SKI: variants seen among roughly 807,000 people sequenced by gnomAD.
SKI encodes the protein ski oncogene.
A neutral mutation model predicts 59.3 loss-of-function variants in SKI; 23 were observed. That is an observed-to-expected ratio of 0.39 (90% confidence interval 0.28 to 0.55). The LOEUF (loss-of-function observed/expected upper bound fraction) is 0.55. Ranked by LOEUF, SKI falls within the 20% of genes least tolerant of loss-of-function variation. SKI has a pLI of 0.67. For synonymous variants in SKI, 673 were observed against 488.6 expected, an observed-to-expected ratio of 1.38 and a Z score of -4.98; for missense variants, 1,017 against 1,038.9, an observed-to-expected ratio of 0.98 and a Z score of 0.29.
intron 1 of SKI, among the ~76,000 whole-genome samples, chr1:2,259,880 C>T (rs998763165): frequency 4.6e-5 from 7 of 152,334 alleles, no homozygotes; most frequent in Middle Eastern, 3.4e-3. Flanking sequence ...GCAGTGTTCC[C>T]CTGCGTGGAT....
intron 1 of SKI, among the ~76,000 whole-genome samples, chr1:2,300,689 A>G (rs1006883160): frequency 1.3e-5 from 2 of 152,166 alleles, no homozygotes; most frequent in African/African-American, 4.8e-5. Flanking sequence ...TGCTGCAGAG[A>G]GCCCGCCCTG....
chr1:2,304,676 C>T (rs1640523577), intron 5 of SKI, 91 bp downstream of exon 5: 2 of 1,461,874 alleles, frequency 1.4e-6, no homozygotes, highest in South Asian at 2.8e-5. Context: ...TGCCTCCTCC[C>T]TTCCTGGCTG....
At chr1:2,255,635 C>T (rs1189243062) in intron 1 of SKI, among the ~76,000 whole-genome samples, 4 of 151,576 alleles carry the variant, frequency 2.6e-5, no homozygotes, top group African/African-American at 4.9e-5. Context: ...ACTGCATTTC[C>T]TGTCTGGAGC....
chr1:2,283,843 G>A (rs937818964), intron 1 of SKI, among the ~76,000 whole-genome samples: 2 of 152,228 alleles, frequency 1.3e-5, no homozygotes, highest in East Asian at 1.9e-4. Flanking sequence ...AGAAAACATC[G>A]TGGGCGTCTG....
chr1:2,293,798 GCTTCTTCAGC>G (rs1199888260), intron 1 of SKI, among the ~76,000 whole-genome samples: 1 of 152,172 alleles, frequency 6.6e-6, no homozygotes, highest in East Asian at 1.9e-4. Flanking sequence ...CCGTTTCCCC[GCTTCTTCAGC>G]TGGCACCTTG....
Position 2,233,952 on chromosome 1 carries a change from A to G in SKI, c.969+4217A>G, listed in dbSNP as rs564599564. On this transcript the variant is annotated intron_variant, in intron 1 of 6. Coordinates refer to ENST00000378536, the MANE Select transcript of SKI (RefSeq NM_003036.4). ...AGGTCCGGGGAGCACTTCGGGGGCT[A>G]TCTGTCCCTTTGTCCACCAGCTTCC... 2.0e-3 allele frequency among the ~76,000 whole-genome samples: 297 copies of G among 152,262 alleles called. 2 individuals are homozygous for G. The highest frequency in any genetic ancestry group is 3.7e-3 in the Non-Finnish European group (255 of 68,018).
intron 1 of SKI, among the ~76,000 whole-genome samples, chr1:2,263,560 GA>G (rs1639432461): frequency 1.3e-5 from 2 of 151,820 alleles, no homozygotes; most frequent in Non-Finnish European, 2.9e-5. Context: ...TTATATTCAT[GA>G]GGGATGTTGG....
intron 1 of SKI, among the ~76,000 whole-genome samples, chr1:2,232,920 C>G (rs1392485447): frequency 4.6e-5 from 7 of 152,212 alleles, no homozygotes; most frequent in Non-Finnish European, 7.3e-5. Flanking sequence ...CTTCCCCACT[C>G]CCACCCCTCT....
chr1:2,305,451 C>A (rs1640546124), intron 5 of SKI, among the ~76,000 whole-genome samples: 1 of 152,082 alleles, frequency 6.6e-6, no homozygotes, highest in Middle Eastern at 3.4e-3. Context: ...CGTGCCAGTC[C>A]CTCGCCCCAG....
intron 1 of SKI, among the ~76,000 whole-genome samples, chr1:2,274,946 C>T (rs72642130): frequency 0.048 from 7,242 of 152,282 alleles, 245 homozygotes; most frequent in East Asian, 0.12. Flanking sequence ...TTGGGGCCTT[C>T]GCTGTCCCTT....
At chr1:2,279,741 G>A (rs1416758214) in intron 1 of SKI, among the ~76,000 whole-genome samples, 1 of 152,170 alleles carries the variant, frequency 6.6e-6, no homozygotes, top group Non-Finnish European at 1.5e-5. Context: ...TAGAGACAGG[G>A]TCTCACTCTG....
Position 2,303,726 on chromosome 1 carries a change from C to T in SKI, c.1212-114C>T, listed in dbSNP as rs1217626686. ...GAACTGTAAGCTTGACTTGAAGATT[C>T]GGAGCTGGGAAAGTCTTTCCTGTTT... On this transcript the variant is annotated intron_variant, in intron 3 of 6. Coordinates refer to ENST00000378536, the MANE Select transcript of SKI (RefSeq NM_003036.4). The surrounding 1 kb of genome is among the most constrained non-coding windows in gnomAD (Gnocchi z 5.6). 7.5e-5 allele frequency: 104 copies of T among 1,382,282 alleles called. No individual in the cohort carries two copies. The highest frequency in any genetic ancestry group is 8.3e-5 in the Non-Finnish European group (83 of 1,001,694). 85.6% of individuals were successfully genotyped at this position (1,382,282 alleles called of 1,614,324 possible).
At position 2,269,843 on chromosome 1, in the gene SKI, C is replaced by A. The variant is rs1025459511; in HGVS notation, c.970-33135C>A. Among the ~76,000 whole-genome samples, 1 of 147,226 alleles carries A rather than the reference C, an allele frequency of 6.8e-6. No homozygotes were observed. Among genetic ancestry groups the A allele is most frequent in the Non-Finnish European group, 1.5e-5 (1 of 66,450 alleles). On this transcript the variant is annotated intron_variant, in intron 1 of 6. Transcript: ENST00000378536. The surrounding 1 kb of genome is among the most constrained non-coding windows in gnomAD (Gnocchi z 4.7). ...GTGCCTGTGGCTGGCGTGGGTCTGG[C>A]GGGTCTGGTGGTGCCTGTGGCTGGC...
chr1:2,298,242 C>T (rs1640335096), intron 1 of SKI, among the ~76,000 whole-genome samples: 1 of 152,200 alleles, frequency 6.6e-6, no homozygotes, highest in Non-Finnish European at 1.5e-5. Context: ...CCGCTGGACA[C>T]TGGGGTCCCG....
rs899646533 is a variant in SKI at position 2,293,881 on chromosome 1, G to T, written c.970-9097G>T. ...TTCCCGGAATCTGTCGTGGGTTCTG[G>T]GTTGTCCCTTCCAGTGCAGGCGGTG... On this transcript the variant is annotated intron_variant, in intron 1 of 6. Coordinates refer to ENST00000378536, the MANE Select transcript of SKI (RefSeq NM_003036.4). Among the ~76,000 whole-genome samples the T allele has an allele frequency of 3.3e-5, 5 of 152,242 alleles. No individual in the cohort carries two copies. The East Asian group carries it at 9.6e-4, about 29-fold the overall frequency.
At chr1:2,273,842 A>G (rs1454888007) in intron 1 of SKI, among the ~76,000 whole-genome samples, 5 of 152,082 alleles carry the variant, frequency 3.3e-5, no homozygotes, top group Non-Finnish European at 7.4e-5. Context: ...CCGGGTGCGG[A>G]TGGGCCGTGC....
chr1:2,305,943 G>A, intron 5 of SKI, 77 bp from the exon 6 acceptor site: 5 of 1,122,412 alleles, frequency 4.5e-6, no homozygotes, highest in Non-Finnish European at 6.6e-6. Flanking sequence ...CACGGGGTGG[G>A]CTGAGGACTG....
intron 1 of SKI, among the ~76,000 whole-genome samples, chr1:2,284,810 C>T (rs902938260): frequency 3.9e-5 from 6 of 152,162 alleles, no homozygotes; most frequent in African/African-American, 1.4e-4. Flanking sequence ...CCACCTTGGC[C>T]TGTGCTGGGG....
At position 2,267,058 on chromosome 1, in the gene SKI, G is replaced by T. The variant is rs534147965; in HGVS notation, c.970-35920G>T. On this transcript the variant is annotated intron_variant, in intron 1 of 6. Transcript: ENST00000378536. The surrounding 1 kb of genome is among the most constrained non-coding windows in gnomAD (Gnocchi z 4.1). ...GTGTTTTCCTTCTGCAATAATTTTGGCTACATTAAATTCGTTTTGTTAACA... is the reference window on the plus strand; with the variant it reads ...GTGTTTTCCTTCTGCAATAATTTTGTCTACATTAAATTCGTTTTGTTAACA... 5.3e-5 allele frequency among the ~76,000 whole-genome samples: 8 copies of T among 152,020 alleles called. No individual in the cohort carries two copies. Among genetic ancestry groups the T allele is most frequent in the South Asian group, 2.1e-4 (1 of 4,816 alleles).
Sources: allele counts gnomAD v4.1 joint callset (sites outside exome capture counted in the v4.1 genomes callset), GRCh38; gene constraint gnomAD v4.1.1; non-coding constraint Gnocchi (gnomAD v3.1); transcripts MANE v1.5; gene names NCBI Gene and HGNC (gene_info 2026-07-23, HGNC 2026-07-21).